Variants in MED12L observed in about 807,000 individuals in gnomAD.
MED12L encodes the protein mediator complex subunit 12L.
MED12L carries 60 observed loss-of-function variants against 281.3 expected under a neutral mutation model. The ratio of observed to expected loss-of-function variants is 0.21; its 90% CI spans 0.17 to 0.26. The LOEUF (loss-of-function observed/expected upper bound fraction) is 0.26. Ranked by LOEUF, MED12L falls within the 10% of genes least tolerant of loss-of-function variation. The pLI, the probability that MED12L is intolerant of heterozygous loss-of-function variation, is 1.00. For synonymous variants in MED12L, 974 were observed against 987.2 expected, an observed-to-expected ratio of 0.99 and a Z score of 0.25; for missense variants, 2,146 against 2,680.9, an observed-to-expected ratio of 0.80 and a Z score of 4.41.
At chr3:151,149,468 A>G (rs977098886) in intron 5 of MED12L, among the ~76,000 whole-genome samples, 11 of 152,308 alleles carry the variant, frequency 7.2e-5, no homozygotes, top group Admixed American at 5.2e-4. Flanking sequence ...TCATCCCTAA[A>G]AATGCTGACA....
chr3:151,432,949 A>G lies in MED12L; in HGVS notation c.*145A>G. On this transcript the variant is annotated 3_prime_UTR_variant, in exon 45 of 45. Coordinates refer to ENST00000687756, the MANE Select transcript of MED12L (RefSeq NM_001393769.1). The stretch of plus-strand genomic sequence containing the variant: ...TTTTATGCTACATCTCACAAAAAAA[A>G]AAAAAGGTGTTTAAACAAAAAGCCA... 1.6e-6 allele frequency: 1 copy of G among 630,860 alleles called. No individual in the cohort carries two copies. Among genetic ancestry groups the G allele is most frequent in the South Asian group, 2.5e-5 (1 of 39,904 alleles). 39.1% of individuals were successfully genotyped at this position (630,860 alleles called of 1,614,324 possible).
chr3:151,102,502 C>G (rs938655337), intron 2 of MED12L, among the ~76,000 whole-genome samples: 1 of 152,128 alleles, frequency 6.6e-6, no homozygotes, highest in African/African-American at 2.4e-5. Context: ...CATTTCCATT[C>G]TCTTTCCCCT....
At chr3:151,329,481 C>G in intron 16 of MED12L, 10 of 1,541,554 alleles carry the variant, frequency 6.5e-6, no homozygotes, top group Non-Finnish European at 7.9e-6. Context: ...TGAAATTCAC[C>G]TTTGGGAGGA....
intron 11 of MED12L, among the ~76,000 whole-genome samples, chr3:151,170,232 C>CT (rs1721252745): frequency 6.6e-6 from 1 of 151,626 alleles, no homozygotes; most frequent in Non-Finnish European, 1.5e-5. Context: ...TGTGGTGTGC[C>CT]TTCACTGATT....
rs148722185 is a variant in MED12L, at chr3:151,163,997, G to T, written c.1212G>T (p.Pro404=). The change falls in exon 9 of 45, where the codon CCG becomes CCT. Residue 404 remains proline (P), a synonymous_variant. Coordinates refer to ENST00000687756, the MANE Select transcript of MED12L (RefSeq NM_001393769.1). ...GSPLDLLQVA[P]SSLPMPGGNT... ...CCCTGGATCTGCTGCAGGTGGCCCC[G>T]TCCAGCCTCCCCATGCCGGGTGGGA... The T allele has an allele frequency of 1.2e-6, 2 of 1,613,626 alleles. No individual in the cohort carries two copies. The highest frequency in any genetic ancestry group is 2.2e-5 in the East Asian group (1 of 44,862).
intron 5 of MED12L, among the ~76,000 whole-genome samples, chr3:151,151,648 C>T (rs1391543839): frequency 2.0e-5 from 3 of 151,956 alleles, no homozygotes; most frequent in East Asian, 1.9e-4. Flanking sequence ...CCAGAACACA[C>T]GCAACATTTA....
At chr3:151,280,599 A>G (rs1742649767) in intron 16 of MED12L, among the ~76,000 whole-genome samples, 1 of 152,028 alleles carries the variant, frequency 6.6e-6, no homozygotes, top group Non-Finnish European at 1.5e-5. Flanking sequence ...GCTAAAACAA[A>G]ACCTGAGTGT....
intron 16 of MED12L, among the ~76,000 whole-genome samples, chr3:151,197,225 G>A (rs755924206): frequency 1.3e-5 from 2 of 152,096 alleles, no homozygotes; most frequent in Non-Finnish European, 1.5e-5. Context: ...GTGCAGTGGC[G>A]CAGTCTCAGC....
intron 16 of MED12L, chr3:151,214,158 A>G: frequency 3.1e-6 from 5 of 1,614,202 alleles, no homozygotes; most frequent in Non-Finnish European, 4.2e-6. Context: ...TGAAACTCTT[A>G]GAGCTGGGCA....
chr3:151,203,416 T>C (rs1448511175), intron 16 of MED12L, among the ~76,000 whole-genome samples: 6 of 152,094 alleles, frequency 3.9e-5, no homozygotes, highest in Non-Finnish European at 8.8e-5. Context: ...CTAGCCTTTT[T>C]TTTTTTTTAA....
intron 20 of MED12L, among the ~76,000 whole-genome samples, chr3:151,360,137 G>A (rs2150074376): frequency 6.6e-6 from 1 of 152,228 alleles, no homozygotes; most frequent in East Asian, 1.9e-4. Flanking sequence ...AATCTGCGGA[G>A]GCAGGGGCTC....
At chr3:151,249,069 C>A (rs970681705) in intron 16 of MED12L, 2 of 152,170 alleles carry the variant, frequency 1.3e-5, no homozygotes, top group African/African-American at 2.4e-5. Context: ...ATGTCAGGTA[C>A]TACAGATGTC....
At chr3:151,170,941 G>A (rs1721349077) in intron 11 of MED12L, among the ~76,000 whole-genome samples, 1 of 152,092 alleles carries the variant, frequency 6.6e-6, no homozygotes, top group African/African-American at 2.4e-5. Flanking sequence ...TTCTGCTTGG[G>A]ATCCACTGTT....
At chr3:151,089,089 C>A (rs1254154552) in intron 2 of MED12L, among the ~76,000 whole-genome samples, 1 of 152,118 alleles carries the variant, frequency 6.6e-6, no homozygotes, top group Admixed American at 6.5e-5. Flanking sequence ...ACCACCTGTA[C>A]TTTTATTCTG....
In MED12L at chr3:151,274,759, A is replaced by G. The variant is rs78966477; in HGVS notation, c.2251-75300A>G. Among the ~76,000 whole-genome samples, 451 of 152,320 alleles carry G rather than the reference A, an allele frequency of 3.0e-3. 2 individuals are homozygous for G. Among genetic ancestry groups the G allele is most frequent in the African/African-American group, 0.01 (434 of 41,572 alleles). Reference sequence around the variant, plus strand: ...AGATTGTTGTCATAATTGAATGACTATCAATTCCTAGGAGTGATGATGTTA... The same window carrying G: ...AGATTGTTGTCATAATTGAATGACTGTCAATTCCTAGGAGTGATGATGTTA... On this transcript the variant is annotated intron_variant, in intron 16 of 44. Transcript: ENST00000687756.
intron 43 of MED12L, among the ~76,000 whole-genome samples, chr3:151,424,629 CA>C (rs869310765): frequency 7.0e-6 from 1 of 141,916 alleles, no homozygotes; most frequent in Non-Finnish European, 1.5e-5. Flanking sequence ...TCAAAAAAAA[CA>C]AAACAAAACA....
At chr3:151,289,438 G>A (rs9864095) in intron 16 of MED12L, among the ~76,000 whole-genome samples, 121,897 of 152,198 alleles carry the variant, frequency 0.8, 48,868 homozygotes, top group Middle Eastern at 0.89. Context: ...AACTATTCAA[G>A]GACGTATGAT....
intron 16 of MED12L, among the ~76,000 whole-genome samples, chr3:151,247,284 A>G (rs1334913224): frequency 6.6e-6 from 1 of 152,100 alleles, no homozygotes; most frequent in African/African-American, 2.4e-5. Context: ...AAGGATTATA[A>G]ATCATGCTGC....
At chr3:151,293,674 CA>C (rs1559992126) in intron 16 of MED12L, among the ~76,000 whole-genome samples, 8 of 136,216 alleles carry the variant, frequency 5.9e-5, no homozygotes, top group African/African-American at 2.1e-4. Flanking sequence ...CACACACACA[CA>C]CACCCTCTAC....
Sources: gnomAD v4.1 joint callset for allele counts (sites outside exome capture counted in the v4.1 genomes callset) on GRCh38, gnomAD v4.1.1 for gene constraint, MANE v1.5 for transcripts, NCBI Gene and HGNC (gene_info 2026-07-23, HGNC 2026-07-21) for gene names.